The following FMN2 variants were observed in gnomAD, a reference collection of about 807,000 sequenced individuals.
FMN2 encodes the protein formin 2, also known as formin-2.
A neutral mutation model predicts 142.3 loss-of-function variants in FMN2; 51 were observed. That is an observed-to-expected ratio of 0.36 (90% confidence interval 0.29 to 0.45). FMN2 has a LOEUF of 0.45. FMN2 is among the 20% of genes least tolerant of loss of function. FMN2 has a pLI of 1.00. For missense variants in FMN2, 1,936 were observed against 2,122.8 expected, an observed-to-expected ratio of 0.91 and a Z score of 1.73; for synonymous variants, 882 against 869.8, an observed-to-expected ratio of 1.01 and a Z score of -0.25.
chr1:240,472,173 A>G, intron 16 of FMN2, 199 bp from the exon 17 acceptor site: 2 of 506,480 alleles, frequency 3.9e-6, no homozygotes, highest in South Asian at 2.9e-5. Flanking sequence ...CAAGTTAAGA[A>G]CTCCTAGATA....
intron 4 of FMN2, among the ~76,000 whole-genome samples, chr1:240,206,365 T>C (rs1666352474): frequency 6.6e-6 from 1 of 151,452 alleles, no homozygotes; most frequent in Admixed American, 6.6e-5. Flanking sequence ...TTATATATTA[T>C]TATTGAACAC....
At chr1:240,200,376 A>G (rs1236314710) in intron 4 of FMN2, among the ~76,000 whole-genome samples, 1 of 152,196 alleles carries the variant, frequency 6.6e-6, no homozygotes, top group East Asian at 1.9e-4. Context: ...TACTTCTGAC[A>G]AGCAATGGAG....
chr1:240,339,482 C>T (rs1671675262), intron 13 of FMN2, among the ~76,000 whole-genome samples: 1 of 151,140 alleles, frequency 6.6e-6, no homozygotes, highest in Non-Finnish European at 1.5e-5. Context: ...AAGGTATTCT[C>T]CATGGATAAG....
chr1:240,325,926 G>GA (rs1330728055), intron 8 of FMN2, among the ~76,000 whole-genome samples: 1 of 152,162 alleles, frequency 6.6e-6, no homozygotes, highest in African/African-American at 2.4e-5. Flanking sequence ...GAGTATTAAT[G>GA]AATCAACAGA....
chr1:240,133,222 G>A (rs966182391), intron 2 of FMN2, among the ~76,000 whole-genome samples: 5 of 152,180 alleles, frequency 3.3e-5, no homozygotes, highest in Non-Finnish European at 7.4e-5. Context: ...CTGGTGTGCA[G>A]TTGGGTGATC....
chr1:240,336,902 T>G (rs990938107), intron 13 of FMN2, among the ~76,000 whole-genome samples: 1 of 152,018 alleles, frequency 6.6e-6, no homozygotes, highest in African/African-American at 2.4e-5. Context: ...CTTTTCTCAA[T>G]TTGGGGTTTT....
At chr1:240,163,703 A>C (rs968918328) in intron 2 of FMN2, among the ~76,000 whole-genome samples, 2 of 151,842 alleles carry the variant, frequency 1.3e-5, no homozygotes, top group African/African-American at 4.8e-5. Context: ...CAATTGTTTA[A>C]ATGCTTGGAT....
chr1:240,399,252 A>G (rs1463206203), intron 15 of FMN2, among the ~76,000 whole-genome samples: 1 of 152,124 alleles, frequency 6.6e-6, no homozygotes, highest in Non-Finnish European at 1.5e-5. Flanking sequence ...AGCTCTTCAC[A>G]ATTTCCTTTT....
intron 1 of FMN2, among the ~76,000 whole-genome samples, chr1:240,100,143 G>A: frequency 6.6e-6 from 1 of 152,176 alleles, no homozygotes; most frequent in Non-Finnish European, 1.5e-5. Context: ...TATTTTCAAT[G>A]AGGTGTGATT....
chr1:240,241,825 C>CTTCTTTTTTTTTTTTTTTTT (rs1667908718), intron 6 of FMN2, among the ~76,000 whole-genome samples: 2 of 96,202 alleles, frequency 2.1e-5, no homozygotes, highest in African/African-American at 3.8e-5. Context: ...GTGTGCCTTG[C>CTTCTTTTTTTTTTTTTTTTT]TTTTTTTTTT....
chr1:240,273,897 GT>G (rs1211066791), intron 7 of FMN2, among the ~76,000 whole-genome samples: 1 of 152,060 alleles, frequency 6.6e-6, no homozygotes, highest in Admixed American at 6.6e-5. Context: ...GATTGCCTTA[GT>G]GAAGTACTTT....
chr1:240,287,706 T>C (rs1162863146), intron 7 of FMN2, among the ~76,000 whole-genome samples: 3 of 152,242 alleles, frequency 2.0e-5, no homozygotes, highest in Non-Finnish European at 4.4e-5. Flanking sequence ...TATAGGAATG[T>C]GAAATGGGCC....
intron 2 of FMN2, among the ~76,000 whole-genome samples, chr1:240,159,236 G>A (rs529083033): frequency 6.3e-4 from 95 of 151,906 alleles, no homozygotes; most frequent in African/African-American, 2.1e-3. Context: ...CTTTATGTCT[G>A]TCTTTTCTCT....
chr1:240,225,118 A>G (rs1317970547), intron 6 of FMN2, among the ~76,000 whole-genome samples: 1 of 152,216 alleles, frequency 6.6e-6, no homozygotes, highest in Admixed American at 6.5e-5. Flanking sequence ...ACAATAAGCT[A>G]TTCTGACACA....
intron 1 of FMN2, among the ~76,000 whole-genome samples, chr1:240,114,785 G>C (rs1340377257): frequency 2.0e-5 from 3 of 151,440 alleles, no homozygotes; most frequent in Admixed American, 6.6e-5. Context: ...AACTTCCAGA[G>C]CAGCTGGAAC....
intron 14 of FMN2, among the ~76,000 whole-genome samples, chr1:240,375,170 C>T (rs145334049): frequency 4.6e-5 from 7 of 151,858 alleles, no homozygotes; most frequent in African/African-American, 1.5e-4. Flanking sequence ...TTGTGGTGCC[C>T]CAGAACAATT....
At chr1:240,241,942 T>A (rs1667923693) in intron 6 of FMN2, among the ~76,000 whole-genome samples, 1 of 150,026 alleles carries the variant, frequency 6.7e-6, no homozygotes, top group South Asian at 2.1e-4. Flanking sequence ...GCCTCCCGGG[T>A]TCACGCCATT....
chr1:240,411,632 T>TG (rs969254327), intron 15 of FMN2, among the ~76,000 whole-genome samples: 3 of 95,364 alleles, frequency 3.1e-5, no homozygotes, highest in South Asian at 2.7e-4. Context: ...GATCTGTTGT[T>TG]TTTTTTTTTT....
intron 7 of FMN2, among the ~76,000 whole-genome samples, chr1:240,277,194 G>T (rs1044186176): frequency 1.3e-5 from 2 of 152,146 alleles, no homozygotes; most frequent in African/African-American, 4.8e-5. Context: ...TTGGTGGATT[G>T]TTGGATAATA....
Sources: allele counts gnomAD v4.1 joint callset (sites outside exome capture counted in the v4.1 genomes callset), GRCh38; gene constraint gnomAD v4.1.1; transcripts MANE v1.5; gene names NCBI Gene and HGNC (gene_info 2026-07-23, HGNC 2026-07-21).